The following MACF1 variants were observed in gnomAD, a reference collection of about 807,000 sequenced individuals.
MACF1 encodes microtubule actin crosslinking factor 1.
Under a neutral mutation model 854.8 loss-of-function variants are expected in MACF1, and 193 were observed. The ratio of observed to expected loss-of-function variants is 0.23; its 90% CI spans 0.20 to 0.25. The LOEUF is 0.25. Ranked by LOEUF, MACF1 falls within the 10% of genes least tolerant of loss-of-function variation. The pLI, the probability that MACF1 is intolerant of heterozygous loss-of-function variation, is 1.00. For missense variants in MACF1, 7,722 were observed against 8,929.1 expected (o/e 0.86, Z 5.45); for synonymous variants, 3,185 against 3,226.7 (o/e 0.99, Z 0.44).
In MACF1 at chr1:39,258,038, G is replaced by C. The variant is rs773677937; in HGVS notation, c.528+10G>C. On this transcript the variant is annotated intron_variant, in intron 6 of 100. Transcript: ENST00000564288. ...TATTTTGCATTTCCAGGTAGGGCAT[G>C]TGAAGTTTGGAATTCCTGTTGCTTT... 1 of 1,611,232 alleles carries C rather than the reference G, an allele frequency of 6.2e-7. No individual in the cohort carries two copies. The highest frequency in any genetic ancestry group is 1.3e-5 in the African/African-American group (1 of 74,886).
intron 58 of MACF1, among the ~76,000 whole-genome samples, chr1:39,393,850 A>G (rs1023225234): frequency 9.7e-4 from 142 of 146,126 alleles, no homozygotes; most frequent in Middle Eastern, 6.8e-3. Context: ...AGGGAGGGAG[A>G]GAGAGAGAGA....
intron 30 of MACF1, 66 bp downstream of exon 30, chr1:39,318,681 A>G (rs1571327432): frequency 6.9e-7 from 1 of 1,442,758 alleles, no homozygotes; most frequent in Non-Finnish European, 9.2e-7. Flanking sequence ...ATAAAAGAAA[A>G]TGATGTACTG....
chr1:39,459,903 C>A, intron 91 of MACF1: 7 of 1,165,532 alleles, frequency 6.0e-6, no homozygotes, highest in Non-Finnish European at 6.9e-6. Flanking sequence ...GTTCTTGGTG[C>A]TTTTTTCCCC....
intron 70 of MACF1, among the ~76,000 whole-genome samples, chr1:39,436,894 T>A (rs548374364): frequency 6.6e-6 from 1 of 152,208 alleles, no homozygotes; most frequent in East Asian, 1.9e-4. Flanking sequence ...AAGAATAAGG[T>A]TAGATTTGGT....
At chr1:39,132,338 T>C (rs966008004) in intron 2 of MACF1, among the ~76,000 whole-genome samples, 1 of 141,792 alleles carries the variant, frequency 7.1e-6, no homozygotes, top group Non-Finnish European at 1.5e-5. Flanking sequence ...CCCTGTGGTT[T>C]CTCTGGGTGT....
intron 2 of MACF1, among the ~76,000 whole-genome samples, chr1:39,160,524 A>G (rs1161118059): frequency 6.6e-6 from 1 of 152,202 alleles, no homozygotes; most frequent in African/African-American, 2.4e-5. Flanking sequence ...TCACTTATAT[A>G]CACTGTATAA....
chr1:39,405,504 C>T (rs1642662654), intron 58 of MACF1, among the ~76,000 whole-genome samples: 1 of 152,162 alleles, frequency 6.6e-6, no homozygotes, highest in Admixed American at 6.5e-5. Flanking sequence ...AGAGGGCTGG[C>T]ATTTTAGGTC....
chr1:39,464,943 G>A, intron 94 of MACF1, 152 bp from the exon 95 acceptor site: 1 of 725,182 alleles, frequency 1.4e-6, no homozygotes, highest in Non-Finnish European at 2.4e-6. Flanking sequence ...CCACATCCCT[G>A]TGGCAGGAGC....
At chr1:39,292,224 G>A (rs533923909) in intron 16 of MACF1, among the ~76,000 whole-genome samples, 186 bp downstream of exon 16, 1 of 152,330 alleles carries the variant, frequency 6.6e-6, no homozygotes, top group South Asian at 2.1e-4. Context: ...AAATAAACTT[G>A]TGAGAAAAGT....
At chr1:39,110,173 G>T (rs1440068311) in intron 2 of MACF1, among the ~76,000 whole-genome samples, 2 of 150,930 alleles carry the variant, frequency 1.3e-5, no homozygotes, top group African/African-American at 4.9e-5. Context: ...ACGCTCTGAA[G>T]CAACCTTTTG....
intron 52 of MACF1, among the ~76,000 whole-genome samples, chr1:39,377,251 A>G (rs1454865287): frequency 2.0e-5 from 3 of 151,546 alleles, no homozygotes; most frequent in Admixed American, 2.0e-4. Flanking sequence ...AGCTCAGGCA[A>G]TCCACCCACC....
At position 39,385,543 on chromosome 1, in the gene MACF1, T is replaced by C. The variant is rs368196379; in HGVS notation, c.13958T>C (p.Val4653Ala). The C allele has an allele frequency of 2.5e-5, 40 of 1,614,030 alleles. No individual in the cohort carries two copies. The African/African-American group carries it at 3.5e-4, about 14-fold the overall frequency. ...GATGTCTCTCTGTCCACCAGCCAAG[T>C]ACAGAAAGAACTCCAGAGCATCAAT... ...PGDVSLSTSQVQKELQSINQK... is the reference protein window; with the variant it reads ...PGDVSLSTSQAQKELQSINQK... Residue 4653 changes from valine to alanine, a missense_variant, in exon 57 of 101, where the codon GTA becomes GCA. This residue lies in a region of MACF1 where 2,807 missense variants were observed against 3,235.8 expected (regional missense o/e 0.87). Coordinates refer to ENST00000564288, the MANE Select transcript of MACF1 (RefSeq NM_001394062.1).
chr1:39,248,512 C>G (rs1048153166), intron 2 of MACF1, among the ~76,000 whole-genome samples: 1 of 151,896 alleles, frequency 6.6e-6, no homozygotes, highest in African/African-American at 2.4e-5. Flanking sequence ...GCCTCCTGCT[C>G]TACTTTCAGA....
intron 2 of MACF1, among the ~76,000 whole-genome samples, chr1:39,124,408 G>T (rs1642809164): frequency 6.6e-6 from 1 of 152,226 alleles, no homozygotes; most frequent in Non-Finnish European, 1.5e-5. Context: ...AGGGTTGTGG[G>T]GGAGAGTAAA....
At chr1:39,287,747 T>A (rs774882358) in intron 15 of MACF1, 185 bp downstream of exon 15, 3 of 637,270 alleles carry the variant, frequency 4.7e-6, no homozygotes, top group Non-Finnish European at 8.0e-6. Flanking sequence ...GCTGAAGTGA[T>A]CCTCCTGCCT....
rs145765548 is a variant in MACF1, at chr1:39,211,519, G to A, written c.109+6388G>A. On this transcript the variant is annotated intron_variant, in intron 1 of 100. Coordinates refer to ENST00000564288, the MANE Select transcript of MACF1 (RefSeq NM_001394062.1). ...CTGGACTCAAGCAATCCTCCACGTC[G>A]GCCTCCCAAAGTGCTGGGATTACAG... Among the ~76,000 whole-genome samples, 750 of 152,084 alleles carry A rather than the reference G, an allele frequency of 4.9e-3. 5 individuals are homozygous for A. Among genetic ancestry groups the A allele is most frequent in the African/African-American group, 0.017 (714 of 41,486 alleles).
intron 91 of MACF1, chr1:39,459,673 TTTG>T (rs1270347338): frequency 1.4e-5 from 5 of 369,416 alleles, no homozygotes; most frequent in Non-Finnish European, 2.4e-5. Context: ...TTTTAATGAT[TTTG>T]TTATTAGTCT....
rs1186974773 is a variant in MACF1, at chr1:39,409,634, C to G, written c.15817-12740C>G. ...CAACAATGCCATGATGTTTTGGAGA[C>G]AGGAAGCCCCAAGCTGGCCCCGAAT... On this transcript the variant is annotated intron_variant, in intron 58 of 100. Transcript: ENST00000564288. The surrounding 1 kb of genome is among the most constrained non-coding windows in gnomAD (Gnocchi z 4.2). 4 of 152,298 alleles carry G rather than the reference C, an allele frequency of 2.6e-5. No individual in the cohort carries two copies. Among genetic ancestry groups the G allele is most frequent in the Non-Finnish European group, 5.9e-5 (4 of 68,078 alleles). The allele number at this position is 152,298 out of a possible 1,614,324, so 9.4% of individuals were successfully genotyped here. A position where few individuals can be genotyped will look rare whatever the true frequency, so the allele number is the denominator to read the frequency against.
chr1:39,433,818 G>A (rs1428682902), intron 68 of MACF1, among the ~76,000 whole-genome samples: 4 of 152,090 alleles, frequency 2.6e-5, no homozygotes, highest in Non-Finnish European at 5.9e-5. Context: ...GGTGGCTCAC[G>A]CCTGTAATCC....
Sources: gnomAD v4.1 joint callset for allele counts (sites outside exome capture counted in the v4.1 genomes callset) on GRCh38, gnomAD v4.1.1 for gene constraint, gnomAD v4.1.1 regional missense constraint, Gnocchi (gnomAD v3.1) non-coding constraint, MANE v1.5 for transcripts, NCBI Gene and HGNC (gene_info 2026-07-23, HGNC 2026-07-21) for gene names.